The following TOMM34 variants were observed in gnomAD, a reference collection of about 807,000 sequenced individuals.
TOMM34 encodes translocase of outer mitochondrial membrane 34, also known as mitochondrial import receptor subunit TOM34.
A neutral mutation model predicts 37.4 loss-of-function variants in TOMM34; 24 were observed. The observed-to-expected ratio is 0.64, with a 90% CI of 0.46 to 0.90. TOMM34 has a LOEUF of 0.90. Ranked by LOEUF, TOMM34 falls within the 40% of genes least tolerant of loss-of-function variation. TOMM34 has a pLI of 0.00. For missense variants in TOMM34, 304 were observed against 375.6 expected (o/e 0.81, Z 1.58); for synonymous variants, 154 against 148.9 (o/e 1.03, Z -0.25).
rs77187968 is a variant in TOMM34, at chr20:44,958,707, C to T, written c.127+1500G>A. 830 of 165,810 alleles carry T rather than the reference C, an allele frequency of 5.0e-3. 6 individuals carry two copies. The highest frequency in any genetic ancestry group is 0.019 in the African/African-American group (786 of 42,148). The allele number at this position is 165,810 out of a possible 1,614,324, so 10.3% of individuals were successfully genotyped here. A position where few individuals can be genotyped will look rare whatever the true frequency, so the allele number is the denominator to read the frequency against. On this transcript the variant is annotated intron_variant, in intron 1 of 6. Coordinates refer to ENST00000372813, the MANE Select transcript of TOMM34 (RefSeq NM_006809.5). ...TCCGGTCCTTGCTAAATCTAGATAC[C>T]AGGCTAGCTTTTCTATGGACCCAGA... is the stretch of plus-strand genomic sequence containing the variant.
chr20:44,949,388 G>A (rs2067007299), intron 4 of TOMM34, among the ~76,000 whole-genome samples: 1 of 152,192 alleles, frequency 6.6e-6, no homozygotes, highest in Admixed American at 6.5e-5. Context: ...TATAGCTTCT[G>A]GGCTATGAGA....
chr20:44,956,293 G>T, intron 2 of TOMM34, 93 bp downstream of exon 2: 1 of 1,225,456 alleles, frequency 8.2e-7, no homozygotes, highest in Non-Finnish European at 1.2e-6. Context: ...AGATGTAATT[G>T]ATGGGATCCT....
intron 3 of TOMM34, 114 bp downstream of exon 3, chr20:44,954,954 T>C: frequency 7.3e-7 from 1 of 1,363,682 alleles, no homozygotes; most frequent in South Asian, 1.6e-5. Context: ...CATCGGGAGT[T>C]TTTTAAGTGT....
intron 5 of TOMM34, among the ~76,000 whole-genome samples, chr20:44,944,953 A>AT (rs1445171287): frequency 6.6e-6 from 1 of 152,078 alleles, no homozygotes; most frequent in Non-Finnish European, 1.5e-5. Flanking sequence ...CTTCTGTAAC[A>AT]TTTTTTTCCC....
intron 4 of TOMM34, among the ~76,000 whole-genome samples, chr20:44,949,942 T>A (rs1367633402): frequency 6.6e-6 from 1 of 152,268 alleles, no homozygotes; most frequent in Non-Finnish European, 1.5e-5. Context: ...CTTAATGTTA[T>A]ATTTCTGAGA....
chr20:44,952,126 G>C, intron 3 of TOMM34, 124 bp from the exon 4 acceptor site: 1 of 1,168,224 alleles, frequency 8.6e-7, no homozygotes. Flanking sequence ...CCCCCTGGTC[G>C]GAACCACCTC....
intron 1 of TOMM34, among the ~76,000 whole-genome samples, chr20:44,956,951 T>C (rs2067079070): frequency 1.3e-5 from 2 of 150,990 alleles, no homozygotes; most frequent in South Asian, 4.2e-4. Context: ...TGACCAAAAG[T>C]TGTAGGGGCA....
chr20:44,947,699 C>T (rs990334379), intron 5 of TOMM34, among the ~76,000 whole-genome samples: 7 of 152,122 alleles, frequency 4.6e-5, no homozygotes, highest in South Asian at 2.1e-4. Context: ...GGGGTTTTGC[C>T]GTGTTGGCCA....
Position 44,942,511 on chromosome 20 carries a change from C to T in TOMM34, c.*598G>A. On this transcript the variant is annotated 3_prime_UTR_variant, in exon 7 of 7. Coordinates refer to ENST00000372813, the MANE Select transcript of TOMM34 (RefSeq NM_006809.5). ...AAGGACAACCATTCAAGGGTCAGGG[C>T]TCTGCCTTCCCACCAAAGGAGGGCC... The T allele has an allele frequency of 6.5e-6, 1 of 154,474 alleles. No homozygotes were observed. Among genetic ancestry groups the T allele is most frequent in the Non-Finnish European group, 1.4e-5 (1 of 69,320 alleles). 9.6% of individuals were successfully genotyped at this position (154,474 alleles called of 1,614,324 possible).
chr20:44,943,639 C>T (rs1255966624), intron 5 of TOMM34, 60 bp from the exon 6 acceptor site: 47 of 1,607,932 alleles, frequency 2.9e-5, no homozygotes, highest in South Asian at 1.9e-4. Flanking sequence ...CCACATGCCA[C>T]GCAGTAGTTT....
chr20:44,948,078 C>T (rs2066995969), intron 5 of TOMM34, among the ~76,000 whole-genome samples: 1 of 152,072 alleles, frequency 6.6e-6, no homozygotes, highest in Non-Finnish European at 1.5e-5. Flanking sequence ...AAGCAAAACC[C>T]TTCCTTCTCT....
intron 4 of TOMM34, among the ~76,000 whole-genome samples, chr20:44,951,097 G>A (rs1011501857): frequency 6.6e-6 from 1 of 152,112 alleles, no homozygotes; most frequent in Non-Finnish European, 1.5e-5. Context: ...AATCTCATCC[G>A]CCGGTTATGG....
At position 44,951,889 on chromosome 20, in the gene TOMM34, T is replaced by G. The variant is rs772551035; in HGVS notation, c.494A>C (p.Asn165Thr). Residue 165 changes from asparagine to threonine, a missense_variant, in exon 4 of 7, where the codon AAC becomes ACC. By Grantham distance (65) the Asn-to-Thr change is moderately conservative. Coordinates refer to ENST00000372813, the MANE Select transcript of TOMM34 (RefSeq NM_006809.5). ...TTTGCTTTTAGCCATCTCTTTGTGG[T>G]TCTCCGAAGGCAAGGAATTCCACCT... Reference protein sequence around the residue: ...QKRWNSLPSENHKEMAKSKSK... With the variant: ...QKRWNSLPSETHKEMAKSKSK... 3 of 1,614,072 alleles carry G rather than the reference T, an allele frequency of 1.9e-6. No individual in the cohort carries two copies. Among genetic ancestry groups the G allele is most frequent in the Non-Finnish European group, 2.5e-6 (3 of 1,179,972 alleles).
chr20:44,945,671 AT>A (rs1414620208), intron 5 of TOMM34, among the ~76,000 whole-genome samples: 1 of 152,244 alleles, frequency 6.6e-6, no homozygotes, highest in Non-Finnish European at 1.5e-5. Flanking sequence ...GCTGCCAGAC[AT>A]TCGAGGAAGA....
chr20:44,954,117 T>C (rs961584141), intron 3 of TOMM34, among the ~76,000 whole-genome samples: 3 of 152,150 alleles, frequency 2.0e-5, no homozygotes, highest in Admixed American at 1.3e-4. Context: ...TATCTCTCAT[T>C]CTTAGCTCAC....
intron 5 of TOMM34, among the ~76,000 whole-genome samples, chr20:44,947,885 G>A (rs1601139460): frequency 1.3e-5 from 2 of 152,352 alleles, no homozygotes; most frequent in African/African-American, 4.8e-5. Flanking sequence ...AGAGTGATAT[G>A]TGTATGCTGG....
intron 1 of TOMM34, among the ~76,000 whole-genome samples, chr20:44,957,045 G>A (rs1191386604): frequency 1.3e-5 from 2 of 152,170 alleles, no homozygotes; most frequent in Non-Finnish European, 2.9e-5. Flanking sequence ...ATTGAGCTGG[G>A]TGTGATGGGA....
At chr20:44,950,876 C>T (rs534976296) in intron 4 of TOMM34, among the ~76,000 whole-genome samples, 7 of 152,314 alleles carry the variant, frequency 4.6e-5, no homozygotes, top group Non-Finnish European at 2.9e-5. Context: ...TGGGACCATT[C>T]CCCTGGAGCA....
At chr20:44,959,222 G>A (rs1386530847) in intron 1 of TOMM34, among the ~76,000 whole-genome samples, 1 of 152,108 alleles carries the variant, frequency 6.6e-6, no homozygotes, top group Non-Finnish European at 1.5e-5. Context: ...AAAGGAAGGC[G>A]GCAAAGGGAA....
Sources: allele counts gnomAD v4.1 joint callset (sites outside exome capture counted in the v4.1 genomes callset), GRCh38; gene constraint gnomAD v4.1.1; transcripts MANE v1.5; gene names NCBI Gene and HGNC (gene_info 2026-07-23, HGNC 2026-07-21).